NKAIN2: variants seen among roughly 807,000 people sequenced by gnomAD.
NKAIN2 encodes the protein sodium/potassium-transporting ATPase subunit beta-1-interacting protein 2.
A neutral mutation model predicts 32.6 loss-of-function variants in NKAIN2; 14 were observed. That is an observed-to-expected ratio of 0.43 (90% CI 0.28 to 0.67). The LOEUF (loss-of-function observed/expected upper bound fraction) is 0.67. Among genes scored for constraint, NKAIN2 ranks in the 30% least tolerant of loss-of-function variants. The pLI is 0.17. For synonymous variants in NKAIN2, 80 were observed against 87.2 expected, an observed-to-expected ratio of 0.92 and a Z score of 0.46; for missense variants, 198 against 258.3, an observed-to-expected ratio of 0.77 and a Z score of 1.60.
intron 3 of NKAIN2, among the ~76,000 whole-genome samples, chr6:124,582,253 T>C (rs1388347897): frequency 1.3e-5 from 2 of 152,088 alleles, no homozygotes; most frequent in Non-Finnish European, 2.9e-5. Context: ...GTAGACTCAT[T>C]AGTAGCTTCT....
chr6:124,802,442 C>A (rs1199399939), intron 5 of NKAIN2, among the ~76,000 whole-genome samples: 1 of 152,186 alleles, frequency 6.6e-6, no homozygotes, highest in East Asian at 1.9e-4. Context: ...AAAATCTAAT[C>A]CATCCAAATG....
chr6:124,472,536 A>T (rs924173516), intron 3 of NKAIN2, among the ~76,000 whole-genome samples: 1 of 151,998 alleles, frequency 6.6e-6, no homozygotes, highest in Non-Finnish European at 1.5e-5. Flanking sequence ...AACGGGGAGG[A>T]AGAATTTCAG....
chr6:123,923,307 T>C (rs1775844022), intron 1 of NKAIN2, among the ~76,000 whole-genome samples: 1 of 152,192 alleles, frequency 6.6e-6, no homozygotes, highest in Admixed American at 6.5e-5. Context: ...GTTTGATGGT[T>C]TGTTTAGTTT....
chr6:124,746,351 A>G (rs1194702104), intron 4 of NKAIN2, among the ~76,000 whole-genome samples: 5 of 151,828 alleles, frequency 3.3e-5, no homozygotes, highest in Non-Finnish European at 7.4e-5. Flanking sequence ...TATTGGAAAA[A>G]CAGACAAAAG....
At chr6:124,133,538 A>G (rs1217525165) in intron 1 of NKAIN2, among the ~76,000 whole-genome samples, 1 of 152,212 alleles carries the variant, frequency 6.6e-6, no homozygotes, top group African/African-American at 2.4e-5. Context: ...GTGCCTACCC[A>G]GGGATATATT....
At chr6:124,313,276 A>T (rs1233943492) in intron 2 of NKAIN2, among the ~76,000 whole-genome samples, 1 of 152,170 alleles carries the variant, frequency 6.6e-6, no homozygotes, top group Admixed American at 6.6e-5. Context: ...AAATGTAACC[A>T]GTCCTTGAAC....
At chr6:124,417,033 C>T (rs757783832) in intron 3 of NKAIN2, among the ~76,000 whole-genome samples, 26 of 152,136 alleles carry the variant, frequency 1.7e-4, no homozygotes, top group African/African-American at 2.9e-4. Context: ...AATCTTATAA[C>T]ATAATACCAA....
intron 3 of NKAIN2, among the ~76,000 whole-genome samples, chr6:124,466,760 AAAAG>A (rs1489144891): frequency 1.3e-5 from 2 of 152,178 alleles, no homozygotes; most frequent in South Asian, 2.1e-4. Context: ...GAAAAAAAAA[AAAAG>A]AAATCAGGAA....
chr6:124,543,087 C>G (rs1455544760), intron 3 of NKAIN2, among the ~76,000 whole-genome samples: 1 of 152,120 alleles, frequency 6.6e-6, no homozygotes, highest in Non-Finnish European at 1.5e-5. Flanking sequence ...AATCAAAACA[C>G]CACTATGAAG....
intron 3 of NKAIN2, among the ~76,000 whole-genome samples, chr6:124,448,357 A>T (rs6569385): frequency 0.9 from 136,568 of 152,174 alleles, 61,519 homozygotes; most frequent in African/African-American, 0.97. Context: ...CTAATTTAAG[A>T]CTACTCAAAT....
At chr6:124,299,572 G>C (rs1280748416) in intron 2 of NKAIN2, among the ~76,000 whole-genome samples, 1 of 152,056 alleles carries the variant, frequency 6.6e-6, no homozygotes, top group Non-Finnish European at 1.5e-5. Flanking sequence ...TATTTGACAT[G>C]ATAAAAAAAT....
chr6:123,915,262 C>T (rs1242932451), intron 1 of NKAIN2, among the ~76,000 whole-genome samples: 1 of 152,148 alleles, frequency 6.6e-6, no homozygotes, highest in Non-Finnish European at 1.5e-5. Flanking sequence ...ATGTGCTCCT[C>T]CTGTTTCCAC....
chr6:124,175,691 C>T (rs1369862927), intron 1 of NKAIN2, among the ~76,000 whole-genome samples: 1 of 152,052 alleles, frequency 6.6e-6, no homozygotes, highest in Non-Finnish European at 1.5e-5. Flanking sequence ...TTACTCTTCC[C>T]CTTCTGTTTA....
In NKAIN2 at chr6:123,844,484, C is replaced by G. The variant is rs948606855; in HGVS notation, c.54+40230C>G. Among the ~76,000 whole-genome samples, 3 of 152,186 alleles carry G rather than the reference C, an allele frequency of 2.0e-5. No individual in the cohort carries two copies. The East Asian group carries it at 5.8e-4, about 29-fold the overall frequency. ...CCCTTTAAATAGCATCCCCTTTAAC[C>G]AAATCTCTGTTACTCGTCTCCCCTT... On this transcript the variant is annotated intron_variant, in intron 1 of 6. Coordinates refer to ENST00000368417, the MANE Select transcript of NKAIN2 (RefSeq NM_001040214.3).
chr6:124,017,661 G>A (rs1780645780), intron 1 of NKAIN2, among the ~76,000 whole-genome samples: 1 of 152,148 alleles, frequency 6.6e-6, no homozygotes, highest in Non-Finnish European at 1.5e-5. Context: ...AAATCTTAAA[G>A]CTCCAAAATG....
intron 2 of NKAIN2, among the ~76,000 whole-genome samples, chr6:124,323,907 C>A (rs543170216): frequency 1.3e-5 from 2 of 151,734 alleles, no homozygotes; most frequent in African/African-American, 4.8e-5. Context: ...CCTGCCTCAG[C>A]CTCCCGAGGA....
chr6:124,712,062 T>C (rs554378692), intron 4 of NKAIN2, among the ~76,000 whole-genome samples: 45 of 151,922 alleles, frequency 3.0e-4, no homozygotes, highest in Middle Eastern at 6.8e-3. Context: ...TGCAGGTCTG[T>C]TGGAATACCC....
intron 3 of NKAIN2, among the ~76,000 whole-genome samples, chr6:124,418,885 C>G (rs1353135403): frequency 6.6e-6 from 1 of 151,910 alleles, no homozygotes; most frequent in Non-Finnish European, 1.5e-5. Context: ...GCGAATGATT[C>G]TCATTACACA....
chr6:124,463,736 G>T (rs1776627688), intron 3 of NKAIN2, among the ~76,000 whole-genome samples: 1 of 152,042 alleles, frequency 6.6e-6, no homozygotes, highest in African/African-American at 2.4e-5. Context: ...ATATACACAT[G>T]CCTGTACAGG....
Sources: gnomAD v4.1 joint callset for allele counts (sites outside exome capture counted in the v4.1 genomes callset) on GRCh38, gnomAD v4.1.1 for gene constraint, MANE v1.5 for transcripts, NCBI Gene and HGNC (gene_info 2026-07-23, HGNC 2026-07-21) for gene names.